The following LINGO2 variants were observed in gnomAD, a reference collection of about 807,000 sequenced individuals.
LINGO2 encodes the protein leucine rich repeat and Ig domain containing 2, also known as leucine-rich repeat and immunoglobulin-like domain-containing nogo receptor-interacting protein 2.
In LINGO2, 14 loss-of-function variants were observed where a neutral mutation model predicts 30.6. That is an observed-to-expected ratio of 0.46 (90% CI 0.30 to 0.72). The LOEUF (loss-of-function observed/expected upper bound fraction) is 0.72. Among genes scored for constraint, LINGO2 ranks in the 30% least tolerant of loss-of-function variants. The pLI is 0.07. For missense variants in LINGO2, 729 were observed against 751.7 expected (o/e 0.97, Z 0.35); for synonymous variants, 317 against 288.5 (o/e 1.10, Z -1.00).
intron 4 of LINGO2, among the ~76,000 whole-genome samples, chr9:28,225,111 C>G (rs1821103021): frequency 6.6e-6 from 1 of 151,916 alleles, no homozygotes; most frequent in Non-Finnish European, 1.5e-5. Flanking sequence ...ATAGAAAAGT[C>G]AAATCAAAAT....
At chr9:28,941,485 T>C in the LINGO2 span, among the ~76,000 whole-genome samples, 6 of 152,150 alleles carry the variant, frequency 3.9e-5, no homozygotes, top group African/African-American at 1.4e-4. Context: ...TAATATTGTG[T>C]GATAAGCCCC....
intron 3 of LINGO2, among the ~76,000 whole-genome samples, chr9:28,367,413 G>A (rs1238413230): frequency 6.6e-6 from 1 of 152,044 alleles, no homozygotes; most frequent in Non-Finnish European, 1.5e-5. Context: ...CTGTTGAACT[G>A]GCTGTTCTCT....
chr9:28,149,212 C>A (rs1156370151), intron 4 of LINGO2: 6 of 1,138,466 alleles, frequency 5.3e-6, no homozygotes, highest in Non-Finnish European at 7.6e-6. Context: ...GATGGTAGGG[C>A]AGGCGTGGTG....
chr9:28,409,527 A>T (rs1178372641), intron 2 of LINGO2, among the ~76,000 whole-genome samples: 1 of 152,180 alleles, frequency 6.6e-6, no homozygotes, highest in South Asian at 2.1e-4. Flanking sequence ...TGAGACTCTG[A>T]TAAATAATAC....
intron 2 of LINGO2, among the ~76,000 whole-genome samples, chr9:28,391,592 T>C (rs919602355): frequency 1.6e-5 from 2 of 128,598 alleles, no homozygotes; most frequent in Admixed American, 1.7e-4. Flanking sequence ...TCACAATTTG[T>C]ATTTATGTTT....
intron 1 of LINGO2, among the ~76,000 whole-genome samples, chr9:28,642,063 A>G (rs1037778981): frequency 3.5e-4 from 53 of 149,358 alleles, no homozygotes; most frequent in Admixed American, 1.8e-3. Context: ...AATGTTATAT[A>G]TGTGTGTGTG....
At chr9:28,473,376 T>C (rs1487049841) in intron 2 of LINGO2, among the ~76,000 whole-genome samples, 1 of 151,918 alleles carries the variant, frequency 6.6e-6, no homozygotes, top group South Asian at 2.1e-4. Context: ...CTCACCTTGA[T>C]CTGATAAAAT....
intron 4 of LINGO2, among the ~76,000 whole-genome samples, chr9:28,049,579 GT>G (rs1824576680): frequency 6.6e-6 from 1 of 150,598 alleles, no homozygotes; most frequent in African/African-American, 2.5e-5. Flanking sequence ...TCATGTTTAA[GT>G]CTAGATTTTA....
At chr9:28,936,852 T>C in the LINGO2 span, among the ~76,000 whole-genome samples, 6 of 152,166 alleles carry the variant, frequency 3.9e-5, no homozygotes, top group Non-Finnish European at 5.9e-5. Flanking sequence ...TTTATTTTCT[T>C]ATAGTCCTGG....
chr9:27,987,666 G>A (rs1044099399), intron 5 of LINGO2, among the ~76,000 whole-genome samples: 2 of 151,872 alleles, frequency 1.3e-5, no homozygotes. Context: ...TGTCTATGTA[G>A]GTAACTCCTT....
At chr9:28,728,322 TAAATC>T in the LINGO2 span, among the ~76,000 whole-genome samples, 1 of 151,104 alleles carries the variant, frequency 6.6e-6, no homozygotes, top group South Asian at 2.1e-4. Flanking sequence ...AAAAGGTAAA[TAAATC>T]CAAAATTTAA....
the LINGO2 span, among the ~76,000 whole-genome samples, chr9:28,991,104 T>G: frequency 2.6e-5 from 4 of 152,154 alleles, no homozygotes; most frequent in African/African-American, 9.6e-5. Flanking sequence ...GGCAAAGAAG[T>G]TAAAAACTAT....
intron 1 of LINGO2, among the ~76,000 whole-genome samples, chr9:28,562,069 C>G (rs977255414): frequency 2.0e-5 from 3 of 151,868 alleles, no homozygotes; most frequent in African/African-American, 7.2e-5. Context: ...TAACCCCATA[C>G]AGTGGGCAGT....
the LINGO2 span, among the ~76,000 whole-genome samples, chr9:28,886,786 G>A: frequency 6.6e-6 from 1 of 152,044 alleles, no homozygotes; most frequent in African/African-American, 2.4e-5. Context: ...GCTTTTATGA[G>A]ATAACATGCA....
At chr9:28,698,455 G>A in the LINGO2 span, among the ~76,000 whole-genome samples, 3 of 152,004 alleles carry the variant, frequency 2.0e-5, no homozygotes, top group South Asian at 2.1e-4. Context: ...ATCTCCAAAC[G>A]TCTGATTTCA....
chr9:29,129,206 G>A, the LINGO2 span, among the ~76,000 whole-genome samples: 2 of 151,942 alleles, frequency 1.3e-5, no homozygotes, highest in Non-Finnish European at 2.9e-5. Flanking sequence ...TACTTTTGAG[G>A]CTTTTATTTA....
chr9:29,193,842 C>T, the LINGO2 span, among the ~76,000 whole-genome samples: 5 of 152,190 alleles, frequency 3.3e-5, no homozygotes, highest in African/African-American at 1.2e-4. Flanking sequence ...TCTCCTGTAA[C>T]GTTCACTGCT....
chr9:28,349,283 C>A (rs1485445723), intron 3 of LINGO2, among the ~76,000 whole-genome samples: 17 of 148,262 alleles, frequency 1.1e-4, no homozygotes, highest in African/African-American at 4.2e-4. Flanking sequence ...ATTAGAATAA[C>A]CAATACAGAG....
At chr9:28,236,853 A>G (rs1044802176) in intron 4 of LINGO2, among the ~76,000 whole-genome samples, 1 of 152,142 alleles carries the variant, frequency 6.6e-6, no homozygotes, top group Non-Finnish European at 1.5e-5. Flanking sequence ...TATAGTCAAT[A>G]ATAATTTAAT....
Sources: allele counts gnomAD v4.1 joint callset (sites outside exome capture counted in the v4.1 genomes callset), GRCh38; gene constraint gnomAD v4.1.1; transcripts MANE v1.5; gene names NCBI Gene and HGNC (gene_info 2026-07-23, HGNC 2026-07-21).